THEMIS: variants seen among roughly 807,000 people sequenced by gnomAD.
The protein encoded by THEMIS is thymocyte selection associated, also known as protein THEMIS.
THEMIS carries 37 observed loss-of-function variants against 52.6 expected under a neutral mutation model. The ratio of observed to expected loss-of-function variants is 0.70; its 90% CI spans 0.54 to 0.93. The LOEUF (loss-of-function observed/expected upper bound fraction) is 0.93. Ranked by LOEUF, THEMIS falls within the 40% of genes least tolerant of loss-of-function variation. THEMIS has a pLI of 0.00. For missense variants in THEMIS, 808 were observed against 763.1 expected, an observed-to-expected ratio of 1.06 and a Z score of -0.69; for synonymous variants, 292 against 272.7, an observed-to-expected ratio of 1.07 and a Z score of -0.70.
chr6:127,774,432 C>G (rs776863736), intron 4 of THEMIS, among the ~76,000 whole-genome samples: 1 of 152,172 alleles, frequency 6.6e-6, no homozygotes, highest in African/African-American at 2.4e-5. Context: ...GTCTCGATCT[C>G]CTGACCCCAT....
chr6:127,882,153 AG>A lies in THEMIS; in HGVS notation c.91+18688del, dbSNP rs142273640. Among the ~76,000 whole-genome samples, 565 of 151,850 alleles carry A rather than the reference AG, an allele frequency of 3.7e-3. 6 individuals carry two copies. Among genetic ancestry groups the A allele is most frequent in the African/African-American group, 0.013 (541 of 41,420 alleles). On this transcript the variant is annotated intron_variant, in intron 1 of 5. Transcript: ENST00000368248. Reference sequence around the variant, plus strand: ...TTTTTTAACTTTATGATGATGTGAAAGTAGTACCTATTCAGTAGAAACCATA... The same window carrying A: ...TTTTTTAACTTTATGATGATGTGAAATAGTACCTATTCAGTAGAAACCATA...
At chr6:127,716,758 A>C (rs922230294) in intron 5 of THEMIS, among the ~76,000 whole-genome samples, 1 of 151,986 alleles carries the variant, frequency 6.6e-6, no homozygotes, top group African/African-American at 2.4e-5. Context: ...TACTAAAAAT[A>C]GACCTTAAGC....
In THEMIS at chr6:127,708,567, A is replaced by T. The variant is rs1049218863; in HGVS notation, c.*1418T>A. 3 of 152,104 alleles carry T rather than the reference A, an allele frequency of 2.0e-5. No homozygotes were observed. Among genetic ancestry groups the T allele is most frequent in the African/African-American group, 7.2e-5 (3 of 41,432 alleles). The allele number at this position is 152,104 out of a possible 1,614,324, so 9.4% of individuals were successfully genotyped here. ...GTTAAGATTCGCTGTGGCCTTCAATAACCAAATGTGGGTCTTAGAAAAGTT... is the reference window on the plus strand; with the variant it reads ...GTTAAGATTCGCTGTGGCCTTCAATTACCAAATGTGGGTCTTAGAAAAGTT... On this transcript the variant is annotated 3_prime_UTR_variant, in exon 6 of 6. Coordinates refer to ENST00000368248, the MANE Select transcript of THEMIS (RefSeq NM_001010923.3).
intron 5 of THEMIS, among the ~76,000 whole-genome samples, chr6:127,715,039 A>G (rs1346069535): frequency 2.0e-5 from 3 of 151,976 alleles, no homozygotes; most frequent in African/African-American, 7.2e-5. Flanking sequence ...ATGATATTTC[A>G]GAATTGTTCA....
intron 1 of THEMIS, among the ~76,000 whole-genome samples, chr6:127,880,085 A>G (rs1401461626): frequency 2.0e-5 from 3 of 152,134 alleles, no homozygotes; most frequent in African/African-American, 7.2e-5. Flanking sequence ...TAATTATATT[A>G]TGTATCTTTT....
intron 4 of THEMIS, among the ~76,000 whole-genome samples, chr6:127,806,603 G>A (rs373516359): frequency 6.6e-6 from 1 of 152,128 alleles, no homozygotes; most frequent in East Asian, 1.9e-4. Flanking sequence ...TTTATTATTA[G>A]TATGAAGACT....
chr6:127,884,101 C>T (rs1223067623), intron 1 of THEMIS, among the ~76,000 whole-genome samples: 1 of 152,066 alleles, frequency 6.6e-6, no homozygotes, highest in Non-Finnish European at 1.5e-5. Flanking sequence ...GTGCTCTATG[C>T]CATTTCTTTT....
chr6:127,714,514 T>C (rs1005380446), intron 5 of THEMIS, among the ~76,000 whole-genome samples: 18 of 151,958 alleles, frequency 1.2e-4, no homozygotes, highest in African/African-American at 4.3e-4. Context: ...TAGGCCATGA[T>C]GGTTTCCCAG....
At chr6:127,910,485 CA>C (rs1452277080) in intron 1 of THEMIS, among the ~76,000 whole-genome samples, 1 of 152,116 alleles carries the variant, frequency 6.6e-6, no homozygotes, top group African/African-American at 2.4e-5. Flanking sequence ...TCCATTCCCA[CA>C]ACGTTATTTC....
intron 4 of THEMIS, among the ~76,000 whole-genome samples, chr6:127,734,336 G>A (rs1774912033): frequency 1.3e-5 from 2 of 152,132 alleles, no homozygotes; most frequent in South Asian, 4.1e-4. Flanking sequence ...ATTAAATCAT[G>A]TGAAATGATA....
chr6:127,705,858 G>A (rs917668386), downstream of THEMIS, among the ~76,000 whole-genome samples: 1 of 152,146 alleles, frequency 6.6e-6, no homozygotes, highest in African/African-American at 2.4e-5. Flanking sequence ...TCAGCTGAGG[G>A]ATCAACACAG....
chr6:127,752,587 G>A (rs910900336), intron 4 of THEMIS, among the ~76,000 whole-genome samples: 2 of 151,316 alleles, frequency 1.3e-5, no homozygotes, highest in African/African-American at 2.4e-5. Context: ...ATTTATGCTT[G>A]CCCTCCTAGA....
Position 127,813,322 on chromosome 6 carries a change from T to C in THEMIS, c.1319A>G (p.Asp440Gly), listed in dbSNP as rs1220914155. 2 of 1,614,026 alleles carry C rather than the reference T, an allele frequency of 1.2e-6. No individual in the cohort carries two copies. Among genetic ancestry groups the C allele is most frequent in the Non-Finnish European group, 8.5e-7 (1 of 1,180,022 alleles). Residue 440 changes from aspartate (D) to glycine (G), a missense_variant, in exon 4 of 6, where the codon GAT (aspartate) becomes GGT (glycine). Physicochemically the swap from Asp to Gly is moderately conservative, Grantham distance 94. Coordinates refer to ENST00000368248, the MANE Select transcript of THEMIS (RefSeq NM_001010923.3). ...MEGGFVEVIHDKKQYPISELC... is the reference protein window; with the variant it reads ...MEGGFVEVIHGKKQYPISELC... ...CTCAGAAATCGGGTACTGTTTCTTATCATGAATCACCTCTACAAAACCTCC... is the reference window on the plus strand; with the variant it reads ...CTCAGAAATCGGGTACTGTTTCTTACCATGAATCACCTCTACAAAACCTCC...
intron 2 of THEMIS, among the ~76,000 whole-genome samples, chr6:127,835,992 T>TG (rs1374538034): frequency 6.6e-6 from 1 of 152,194 alleles, no homozygotes; most frequent in African/African-American, 2.4e-5. Flanking sequence ...AATATTATGC[T>TG]GCTCGTTGTT....
At chr6:127,827,789 C>T (rs1778557890) in intron 3 of THEMIS, among the ~76,000 whole-genome samples, 1 of 152,150 alleles carries the variant, frequency 6.6e-6, no homozygotes, top group Admixed American at 6.5e-5. Context: ...TTCCTGTACC[C>T]TGGCACTCAG....
chr6:127,776,614 G>A (rs1267671366), intron 4 of THEMIS, among the ~76,000 whole-genome samples: 2 of 152,052 alleles, frequency 1.3e-5, no homozygotes, highest in Non-Finnish European at 2.9e-5. Flanking sequence ...CCCATAGCTA[G>A]AACCACCGAG....
chr6:127,783,564 A>C (rs191202518), intron 4 of THEMIS, among the ~76,000 whole-genome samples: 23 of 152,306 alleles, frequency 1.5e-4, no homozygotes, highest in African/African-American at 5.3e-4. Context: ...CCCATCAAAA[A>C]CTGGGTAAAG....
chr6:127,897,841 C>G (rs1176077291), intron 1 of THEMIS, among the ~76,000 whole-genome samples: 1 of 151,442 alleles, frequency 6.6e-6, no homozygotes, highest in Non-Finnish European at 1.5e-5. Context: ...ATTTTCATGA[C>G]AAAATTACTG....
chr6:127,859,782 G>A (rs1562305779), intron 1 of THEMIS, among the ~76,000 whole-genome samples: 2 of 152,132 alleles, frequency 1.3e-5, no homozygotes, highest in South Asian at 4.1e-4. Context: ...TAAAGAGGGA[G>A]CTCATGTGAC....
Sources: gnomAD v4.1 joint callset for allele counts (sites outside exome capture counted in the v4.1 genomes callset) on GRCh38, gnomAD v4.1.1 for gene constraint, MANE v1.5 for transcripts, NCBI Gene and HGNC (gene_info 2026-07-23, HGNC 2026-07-21) for gene names.